Variants in NCALD observed in about 807,000 individuals in gnomAD.
The protein encoded by NCALD is neurocalcin delta, also known as neurocalcin-delta.
Under a neutral mutation model 18.6 loss-of-function variants are expected in NCALD, and 10 were observed. The observed-to-expected ratio is 0.54, with a 90% CI of 0.33 to 0.91. The LOEUF is 0.91. Among genes scored for constraint, NCALD ranks in the 40% least tolerant of loss-of-function variants. NCALD has a pLI of 0.03. For synonymous variants in NCALD, 88 were observed against 87.4 expected, an observed-to-expected ratio of 1.01 and a Z score of -0.04; for missense variants, 184 against 247.6, an observed-to-expected ratio of 0.74 and a Z score of 1.72.
intron 2 of NCALD, among the ~76,000 whole-genome samples, chr8:101,995,761 T>C (rs1463309259): frequency 2.6e-5 from 4 of 152,096 alleles, no homozygotes; most frequent in East Asian, 1.9e-4. Context: ...CCAAACTATA[T>C]CACATATGTT....
chr8:101,904,383 A>G (rs1055602176), intron 3 of NCALD, among the ~76,000 whole-genome samples: 7 of 151,704 alleles, frequency 4.6e-5, no homozygotes, highest in Non-Finnish European at 7.4e-5. Flanking sequence ...TTCCTTCCCT[A>G]CTCTCAAAAT....
chr8:101,829,483 T>C (rs931807128), intron 4 of NCALD, among the ~76,000 whole-genome samples: 4 of 152,232 alleles, frequency 2.6e-5, no homozygotes, highest in Non-Finnish European at 5.9e-5. Context: ...CTTCTGGCAT[T>C]AACTACTTTG....
intron 2 of NCALD, among the ~76,000 whole-genome samples, chr8:101,708,980 T>G (rs1012382044): frequency 1.1e-4 from 16 of 152,182 alleles, no homozygotes; most frequent in Non-Finnish European, 2.2e-4. Flanking sequence ...GGCTACTCTT[T>G]TTAAAAATGA....
chr8:101,700,403 G>T (rs1815205075), intron 2 of NCALD, among the ~76,000 whole-genome samples: 1 of 152,104 alleles, frequency 6.6e-6, no homozygotes, highest in Admixed American at 6.6e-5. Context: ...GACTTGGGAG[G>T]TCTCATATGT....
intron 4 of NCALD, among the ~76,000 whole-genome samples, chr8:101,853,257 T>A (rs1205406419): frequency 6.6e-6 from 1 of 152,154 alleles, no homozygotes; most frequent in Non-Finnish European, 1.5e-5. Flanking sequence ...AAACAAAAGT[T>A]CAAAGATAAT....
chr8:101,752,972 C>G (rs1810721886), intron 1 of NCALD, among the ~76,000 whole-genome samples: 6 of 144,974 alleles, frequency 4.1e-5, no homozygotes, highest in Admixed American at 2.0e-4. Flanking sequence ...TTTATTCTTA[C>G]AAGCCATCCC....
intron 1 of NCALD, among the ~76,000 whole-genome samples, chr8:102,052,759 T>G (rs1489258927): frequency 6.6e-6 from 1 of 152,222 alleles, no homozygotes; most frequent in African/African-American, 2.4e-5. Context: ...CCGAGTCTGT[T>G]GAAATTACTC....
At chr8:101,745,363 A>G (rs2130731302) in intron 1 of NCALD, among the ~76,000 whole-genome samples, 1 of 152,196 alleles carries the variant, frequency 6.6e-6, no homozygotes, top group South Asian at 2.1e-4. Flanking sequence ...GCAATGACTG[A>G]GATGTAGGGG....
intron 2 of NCALD, among the ~76,000 whole-genome samples, chr8:101,702,202 G>A (rs1470469513): frequency 2.6e-5 from 4 of 151,838 alleles, no homozygotes; most frequent in Admixed American, 6.6e-5. Flanking sequence ...GAACCACTTT[G>A]TGTACTGGTC....
intron 1 of NCALD, among the ~76,000 whole-genome samples, chr8:101,741,763 CAAAAAAAAA>C (rs68064092): frequency 2.4e-4 from 17 of 69,784 alleles, no homozygotes; most frequent in East Asian, 7.7e-4. Context: ...CTCATCTCTA[CAAAAAAAAA>C]AAAAAAAAAA....
chr8:102,018,562 A>C lies in NCALD; in HGVS notation c.-157+1675T>G, dbSNP rs191116020. On this transcript the variant is annotated intron_variant, in intron 2 of 6. Transcript: ENST00000311028. ...AGAGAAACCAGAGAGCCACATCCAG[A>C]TTGTGGTTGTCAAGGGCTAGAGGTA... Among the ~76,000 whole-genome samples, 43 of 152,342 alleles carry C rather than the reference A, an allele frequency of 2.8e-4. 1 individual carries two copies. The highest frequency in any genetic ancestry group is 9.9e-4 in the African/African-American group (41 of 41,588).
chr8:101,806,755 A>G (rs930285316), intron 4 of NCALD, among the ~76,000 whole-genome samples: 1 of 152,128 alleles, frequency 6.6e-6, no homozygotes, highest in African/African-American at 2.4e-5. Context: ...ACATGCACCT[A>G]TGCACACAAT....
chr8:101,868,359 A>C (rs1815863411), intron 4 of NCALD, among the ~76,000 whole-genome samples: 1 of 152,108 alleles, frequency 6.6e-6, no homozygotes, highest in Non-Finnish European at 1.5e-5. Context: ...TTCCCTGTTC[A>C]ATTGGTCTGA....
intron 1 of NCALD, among the ~76,000 whole-genome samples, chr8:102,049,227 C>T (rs1288495623): frequency 1.3e-5 from 2 of 152,140 alleles, no homozygotes; most frequent in African/African-American, 4.8e-5. Context: ...TTAAGGGACA[C>T]GAAATCCGAG....
intron 1 of NCALD, among the ~76,000 whole-genome samples, chr8:101,746,156 C>T (rs151193265): frequency 1.3e-3 from 197 of 152,246 alleles, no homozygotes; most frequent in Non-Finnish European, 2.4e-3. Flanking sequence ...GTCATTGAGC[C>T]AGAATTCAGG....
intron 2 of NCALD, among the ~76,000 whole-genome samples, chr8:101,917,051 C>T (rs1302281413): frequency 6.6e-6 from 1 of 152,122 alleles, no homozygotes; most frequent in Non-Finnish European, 1.5e-5. Flanking sequence ...ATACCTTCTT[C>T]TCATCTGCAC....
chr8:102,050,729 A>T (rs976085254), intron 1 of NCALD, among the ~76,000 whole-genome samples: 2 of 147,136 alleles, frequency 1.4e-5, no homozygotes, highest in African/African-American at 4.9e-5. Flanking sequence ...GTATATATTT[A>T]TATATGAATT....
chr8:101,837,068 T>C (rs1449037904), intron 4 of NCALD, among the ~76,000 whole-genome samples: 1 of 152,226 alleles, frequency 6.6e-6, no homozygotes, highest in East Asian at 1.9e-4. Flanking sequence ...CCTGCTTTGC[T>C]AGGGTTACAG....
At chr8:101,907,465 A>G (rs1047554062) in intron 3 of NCALD, among the ~76,000 whole-genome samples, 2 of 151,594 alleles carry the variant, frequency 1.3e-5, no homozygotes, top group African/African-American at 4.8e-5. Context: ...ATAAAATAAG[A>G]GGTTTATTAA....
Sources: allele counts gnomAD v4.1 joint callset (sites outside exome capture counted in the v4.1 genomes callset), GRCh38; gene constraint gnomAD v4.1.1; transcripts MANE v1.5; gene names NCBI Gene and HGNC (gene_info 2026-07-23, HGNC 2026-07-21).